Variants in SDHB observed in about 807,000 individuals in gnomAD.
The protein encoded by SDHB is succinate dehydrogenase [ubiquinone] iron-sulfur subunit, mitochondrial.
In SDHB, 21 loss-of-function variants were observed where a neutral mutation model predicts 39.7. The observed-to-expected ratio is 0.53, with a 90% confidence interval of 0.37 to 0.76. The LOEUF (loss-of-function observed/expected upper bound fraction) is 0.76, where lower values mean the gene tolerates loss of function less well. Ranked by LOEUF, SDHB falls within the 30% of genes least tolerant of loss-of-function variation. SDHB has a pLI of 0.00. For missense variants in SDHB, 343 were observed against 350.9 expected, an observed-to-expected ratio of 0.98 and a Z score of 0.18; for synonymous variants, 118 against 117.0, an observed-to-expected ratio of 1.01 and a Z score of -0.06.
At chr1:17,019,627 C>A (rs1047174466) in intron 7 of SDHB, among the ~76,000 whole-genome samples, 1 of 151,772 alleles carries the variant, frequency 6.6e-6, no homozygotes, top group Non-Finnish European at 1.5e-5. Flanking sequence ...ACTCATCTGA[C>A]GTTAGTGAAG....
chr1:17,054,022 T>C lies in SDHB; in HGVS notation c.-3A>G, dbSNP rs2078164442. On this transcript the variant is annotated 5_prime_UTR_variant, in exon 1 of 8. Transcript: ENST00000375499. ...GAGAGGGCGACCACCGCCGCCATCTTGGCTCCTGACGTCAGCCCCACCCCT... is the reference window on the plus strand; with the variant it reads ...GAGAGGGCGACCACCGCCGCCATCTCGGCTCCTGACGTCAGCCCCACCCCT... 1 of 1,609,796 alleles carries C rather than the reference T, an allele frequency of 6.2e-7. No homozygotes were observed. The highest frequency in any genetic ancestry group is 8.5e-7 in the Non-Finnish European group (1 of 1,177,728).
intron 6 of SDHB, chr1:17,023,239 A>G (rs2077972655): frequency 7.8e-6 from 2 of 256,554 alleles, no homozygotes; most frequent in Non-Finnish European, 1.5e-5. Context: ...TAATCACATG[A>G]CCATAGGCCT....
At chr1:17,044,153 G>C (rs2078095762) in intron 2 of SDHB, among the ~76,000 whole-genome samples, 3 of 151,860 alleles carry the variant, frequency 2.0e-5, no homozygotes, top group Admixed American at 2.0e-4. Context: ...AGAAAACACA[G>C]GTCCAGATGT....
rs543323811 is a variant in SDHB, at chr1:17,033,278, C to T, written c.201-133G>A. On this transcript the variant is annotated intron_variant, in intron 2 of 7. Transcript: ENST00000375499. ...TCTCAGGTCACCTTCGGAATTTGTT[C>T]TGTAGTTTTGTTTTTGCAGATTCTT... The T allele has an allele frequency of 3.6e-5, 27 of 752,454 alleles. No individual in the cohort carries two copies. In the East Asian group the frequency reaches 7.3e-4, roughly 20 times the overall value. The allele number at this position is 752,454 out of a possible 1,614,324, so 46.6% of individuals were successfully genotyped here. A position where few individuals can be genotyped will look rare whatever the true frequency, so the allele number is the denominator to read the frequency against.
intron 1 of SDHB, among the ~76,000 whole-genome samples, chr1:17,051,218 G>C (rs1290746572): frequency 6.6e-6 from 1 of 152,192 alleles, no homozygotes; most frequent in East Asian, 1.9e-4. Flanking sequence ...CAAAAGGAAA[G>C]AGGGCCCCTT....
At chr1:17,034,140 G>C (rs1447654541) in intron 2 of SDHB, among the ~76,000 whole-genome samples, 2 of 137,722 alleles carry the variant, frequency 1.5e-5, no homozygotes, top group African/African-American at 4.9e-5. Context: ...AGTACTATCT[G>C]TATTTCATTT....
chr1:17,036,163 T>C (rs1290755642), intron 2 of SDHB, among the ~76,000 whole-genome samples: 1 of 152,164 alleles, frequency 6.6e-6, no homozygotes, highest in Non-Finnish European at 1.5e-5. Context: ...GGGATTGCAA[T>C]GAATCTGGAA....
chr1:17,022,849 T>C, intron 6 of SDHB, 119 bp from the exon 7 acceptor site: 1 of 1,207,414 alleles, frequency 8.3e-7, no homozygotes, highest in Non-Finnish European at 1.2e-6. Flanking sequence ...AGATGCCTCA[T>C]CTCCATACTC....
At chr1:17,047,475 A>T (rs939247217) in intron 1 of SDHB, among the ~76,000 whole-genome samples, 1 of 152,004 alleles carries the variant, frequency 6.6e-6, no homozygotes, top group Non-Finnish European at 1.5e-5. Flanking sequence ...TCAGGGATTC[A>T]AGACCAGCCC....
At chr1:17,042,489 C>T (rs549488192) in intron 2 of SDHB, among the ~76,000 whole-genome samples, 5 of 152,044 alleles carry the variant, frequency 3.3e-5, no homozygotes, top group East Asian at 3.9e-4. Context: ...ACTAAAAAAT[C>T]GTTATGGGCT....
intron 1 of SDHB, among the ~76,000 whole-genome samples, chr1:17,045,437 A>G (rs975980364): frequency 6.6e-6 from 1 of 152,036 alleles, no homozygotes; most frequent in Non-Finnish European, 1.5e-5. Flanking sequence ...AACATGGCAA[A>G]ACCCCATCTC....
chr1:17,038,554 C>A (rs373059512), intron 2 of SDHB, among the ~76,000 whole-genome samples: 140 of 152,286 alleles, frequency 9.2e-4, no homozygotes, highest in African/African-American at 3.2e-3. Flanking sequence ...CCTTCTACTT[C>A]TTTTACTTGC....
At chr1:17,022,506 A>G in intron 7 of SDHB, 102 bp downstream of exon 7, 1 of 1,510,328 alleles carries the variant, frequency 6.6e-7, no homozygotes, top group Middle Eastern at 1.8e-4. Flanking sequence ...TTTCCTTCTC[A>G]AATGACTAGG....
chr1:17,035,998 C>T (rs1418247421), intron 2 of SDHB, among the ~76,000 whole-genome samples: 1 of 152,102 alleles, frequency 6.6e-6, no homozygotes, highest in East Asian at 1.9e-4. Context: ...GCTAAATTTC[C>T]TAATAGGTAG....
At chr1:17,053,542 C>T (rs1424235971) in intron 1 of SDHB, among the ~76,000 whole-genome samples, 1 of 152,110 alleles carries the variant, frequency 6.6e-6, no homozygotes, top group Non-Finnish European at 1.5e-5. Flanking sequence ...CTTCCCAATT[C>T]CCATCCTTCA....
chr1:17,026,458 G>C (rs928377960), intron 5 of SDHB, among the ~76,000 whole-genome samples: 1 of 152,072 alleles, frequency 6.6e-6, no homozygotes, highest in East Asian at 1.9e-4. Flanking sequence ...TCCACCTCCC[G>C]GGTTCAAGAG....
At chr1:17,022,508 A>G in intron 7 of SDHB, 100 bp downstream of exon 7, 1 of 1,510,006 alleles carries the variant, frequency 6.6e-7, no homozygotes, top group Non-Finnish European at 9.2e-7. Flanking sequence ...TCCTTCTCAA[A>G]TGACTAGGGT....
intron 7 of SDHB, among the ~76,000 whole-genome samples, chr1:17,019,238 C>T (rs148464472): frequency 2.3e-4 from 35 of 152,328 alleles, no homozygotes; most frequent in Middle Eastern, 3.4e-3. Flanking sequence ...GGCAGAGGTG[C>T]ACTCTCTGAC....
chr1:17,037,648 G>C (rs1215920915), intron 2 of SDHB, among the ~76,000 whole-genome samples: 1 of 152,158 alleles, frequency 6.6e-6, no homozygotes, highest in Non-Finnish European at 1.5e-5. Context: ...GTAGAGACAG[G>C]GTTTTGCCAT....
Sources: gnomAD v4.1 joint callset for allele counts (sites outside exome capture counted in the v4.1 genomes callset) on GRCh38, gnomAD v4.1.1 for gene constraint, MANE v1.5 for transcripts, NCBI Gene and HGNC (gene_info 2026-07-23, HGNC 2026-07-21) for gene names.